Variants in GALNT18 observed in about 807,000 individuals in gnomAD.
GALNT18 encodes GalNAc-transferase 18.
Under a neutral mutation model 69.5 loss-of-function variants are expected in GALNT18, and 44 were observed. The observed-to-expected ratio is 0.63, with a 90% confidence interval of 0.50 to 0.81. The LOEUF is 0.81. Ranked by LOEUF, GALNT18 falls within the 40% of genes least tolerant of loss-of-function variation. The pLI is 0.00. For synonymous variants in GALNT18, 364 were observed against 318.2 expected, an observed-to-expected ratio of 1.14 and a Z score of -1.53; for missense variants, 715 against 810.0, an observed-to-expected ratio of 0.88 and a Z score of 1.42.
rs530528366 is a variant in GALNT18, at chr11:11,432,505, C to T, written c.595+116G>A. 9 of 1,052,110 alleles carry T rather than the reference C, an allele frequency of 8.6e-6. No homozygotes were observed. The African/African-American group carries it at 1.4e-4, about 17-fold the overall frequency. The allele number at this position is 1,052,110 out of a possible 1,614,324, so 65.2% of individuals were successfully genotyped here. ...CCACCATGAATTTCTCATCTATGCTCCAGAGAAAGAGCAGCCACAGACAGC... is the reference window on the plus strand; with the variant it reads ...CCACCATGAATTTCTCATCTATGCTTCAGAGAAAGAGCAGCCACAGACAGC... On this transcript the variant is annotated intron_variant, in intron 3 of 10. Coordinates refer to ENST00000227756, the MANE Select transcript of GALNT18 (RefSeq NM_198516.3). The surrounding 1 kb of genome is among the most constrained non-coding windows in gnomAD (Gnocchi z 5.8).
At chr11:11,519,078 A>G (rs1857340724) in intron 1 of GALNT18, among the ~76,000 whole-genome samples, 1 of 152,214 alleles carries the variant, frequency 6.6e-6, no homozygotes, top group African/African-American at 2.4e-5. Context: ...ACTAGGTGCA[A>G]TCGATAGACT....
chr11:11,493,014 G>A (rs971287594), intron 1 of GALNT18, among the ~76,000 whole-genome samples: 1 of 152,116 alleles, frequency 6.6e-6, no homozygotes, highest in Non-Finnish European at 1.5e-5. Flanking sequence ...TGTAATCCCA[G>A]CACTTTGGGA....
chr11:11,535,622 G>A (rs1028951708), intron 1 of GALNT18, among the ~76,000 whole-genome samples: 1 of 152,172 alleles, frequency 6.6e-6, no homozygotes, highest in African/African-American at 2.4e-5. Flanking sequence ...CCAGCCCACA[G>A]GCTGGGCTCA....
chr11:11,446,771 A>G (rs1341034495), intron 2 of GALNT18, among the ~76,000 whole-genome samples: 2 of 152,186 alleles, frequency 1.3e-5, no homozygotes, highest in Admixed American at 6.5e-5. Context: ...GCAAGTGACA[A>G]TTAGCATATT....
chr11:11,379,181 T>G lies in GALNT18; in HGVS notation c.679A>C (p.Lys227Gln). Residue 227 changes from lysine to glutamine, a missense_variant, in exon 4 of 11, where the codon AAG becomes CAG. Coordinates refer to ENST00000227756, the MANE Select transcript of GALNT18 (RefSeq NM_198516.3). ...CTGGAGCGGATGAGGCCTTCCTGCT[T>G]GCTGTGACGCACGACTTTGATGAAG... ...PGFIKVVRHS[K>Q]QEGLIRSRVS... The G allele has an allele frequency of 1.9e-6, 3 of 1,612,666 alleles. No homozygotes were observed. Among genetic ancestry groups the G allele is most frequent in the Non-Finnish European group, 2.5e-6 (3 of 1,180,004 alleles).
At position 11,439,540 on chromosome 11, in the gene GALNT18, G is replaced by A. The variant is rs548548021; in HGVS notation, c.429-6753C>T. Among the ~76,000 whole-genome samples the A allele has an allele frequency of 2.0e-5, 3 of 152,280 alleles. No homozygotes were observed. In the South Asian group the frequency reaches 6.2e-4, roughly 32 times the overall value. ...TGCTTTTCTTTCATGCCATGTACAT[G>A]CTATTGCAACATGTTTTTATATGTG... On this transcript the variant is annotated intron_variant, in intron 2 of 10. Coordinates refer to ENST00000227756, the MANE Select transcript of GALNT18 (RefSeq NM_198516.3). The surrounding 1 kb of genome is among the most constrained non-coding windows in gnomAD (Gnocchi z 4.4).
chr11:11,621,486 G>A lies in GALNT18; in HGVS notation c.108C>T (p.Ile36=). Residue 36 remains isoleucine (I), a synonymous_variant, in exon 1 of 11, where the codon ATC becomes ATT. Transcript: ENST00000227756. The surrounding 1 kb of genome is among the most constrained non-coding windows in gnomAD (Gnocchi z 9.3). The part of the protein sequence containing the change: ...LLYVGWVTNY[I]ASVYVRGQEP... ...CCTGCCCCCGCACATACACGCTGGC[G>A]ATGTAGTTGGTGACCCAGCCCACGT... 6.2e-7 allele frequency: 1 copy of A among 1,614,128 alleles called. No individual in the cohort carries two copies. The highest frequency in any genetic ancestry group is 8.5e-7 in the Non-Finnish European group (1 of 1,180,018).
At chr11:11,570,941 G>A (rs898691063) in intron 1 of GALNT18, among the ~76,000 whole-genome samples, 1 of 152,164 alleles carries the variant, frequency 6.6e-6, no homozygotes, top group Non-Finnish European at 1.5e-5. Flanking sequence ...AAGACATGAG[G>A]TATTAGTAAC....
chr11:11,416,153 G>A lies in GALNT18; in HGVS notation c.595+16468C>T, dbSNP rs181672794. Among the ~76,000 whole-genome samples the A allele has an allele frequency of 1.2e-3, 187 of 152,300 alleles. 3 individuals carry two copies. The highest frequency in any genetic ancestry group is 3.8e-4 in the Non-Finnish European group (26 of 68,036). ...GGCCTGTGAATTAGCCAGAGGCCTC[G>A]TCCAATGCAGACACATTCCTTTCTT... On this transcript the variant is annotated intron_variant, in intron 3 of 10. Transcript: ENST00000227756.
In GALNT18 at chr11:11,351,622, G is replaced by A. The variant is rs538038727; in HGVS notation, c.1093-10618C>T. On this transcript the variant is annotated intron_variant, in intron 6 of 10. Transcript: ENST00000227756. ...AGAAGTATTAGCAAGTTCCAAATCA[G>A]GGTCCCATTGACACCTGCGCTATCT... Among the ~76,000 whole-genome samples, 8 of 152,246 alleles carry A rather than the reference G, an allele frequency of 5.3e-5. No individual in the cohort carries two copies. In the East Asian group the frequency reaches 1.5e-3, roughly 29 times the overall value.
intron 1 of GALNT18, among the ~76,000 whole-genome samples, chr11:11,495,550 T>C (rs552100451): frequency 6.6e-6 from 1 of 152,246 alleles, no homozygotes; most frequent in East Asian, 1.9e-4. Flanking sequence ...CAAAGAGCCA[T>C]AAGTGGAATC....
chr11:11,321,423 T>A (rs1849837139), intron 9 of GALNT18, among the ~76,000 whole-genome samples: 1 of 152,206 alleles, frequency 6.6e-6, no homozygotes, highest in Non-Finnish European at 1.5e-5. Flanking sequence ...AAATTCTACC[T>A]CAATAAAATA....
chr11:11,481,300 A>AGTG (rs1856524352), intron 1 of GALNT18, among the ~76,000 whole-genome samples: 2 of 152,070 alleles, frequency 1.3e-5, no homozygotes, highest in African/African-American at 4.8e-5. Flanking sequence ...CTCGCTGAGC[A>AGTG]TGAATCCCTC....
chr11:11,588,691 G>A (rs1220881547), intron 1 of GALNT18, among the ~76,000 whole-genome samples: 2 of 152,204 alleles, frequency 1.3e-5, no homozygotes, highest in Non-Finnish European at 2.9e-5. Flanking sequence ...TCTATCCATA[G>A]AGGAGTACTG....
At chr11:11,376,164 C>T (rs1377473523) in intron 5 of GALNT18, among the ~76,000 whole-genome samples, 1 of 152,020 alleles carries the variant, frequency 6.6e-6, no homozygotes, top group Non-Finnish European at 1.5e-5. Context: ...GGGTAGATCA[C>T]GAGGTCAGGA....
At chr11:11,427,506 G>A (rs1383729399) in intron 3 of GALNT18, among the ~76,000 whole-genome samples, 1 of 152,174 alleles carries the variant, frequency 6.6e-6, no homozygotes, top group Non-Finnish European at 1.5e-5. Flanking sequence ...GCTCGGCTGA[G>A]TAATTTAGAG....
intron 7 of GALNT18, among the ~76,000 whole-genome samples, chr11:11,334,713 G>A (rs1034443151): frequency 1.3e-5 from 2 of 152,122 alleles, no homozygotes; most frequent in Non-Finnish European, 2.9e-5. Context: ...GACCTCATCC[G>A]TGACTTGTCT....
chr11:11,407,814 G>A (rs976884981), intron 3 of GALNT18, among the ~76,000 whole-genome samples: 3 of 152,228 alleles, frequency 2.0e-5, no homozygotes, highest in African/African-American at 4.8e-5. Context: ...ATTACGAGCA[G>A]CAGGAGTAAA....
rs1859246077 is a variant in GALNT18 at position 11,587,082 on chromosome 11, C to T, written c.235+34277G>A. ...GTTACTTGAGAGATGCTTCCAGCAC[C>T]CATTATCCTGACCCCTCCCCCAGTA... On this transcript the variant is annotated intron_variant, in intron 1 of 10. Coordinates refer to ENST00000227756, the MANE Select transcript of GALNT18 (RefSeq NM_198516.3). This position sits in a 1 kb window ranked among gnomAD's most constrained non-coding sequence, Gnocchi z 4.4. Among the ~76,000 whole-genome samples the T allele has an allele frequency of 6.6e-6, 1 of 152,152 alleles. No homozygotes were observed. Among genetic ancestry groups the T allele is most frequent in the Admixed American group, 6.5e-5 (1 of 15,268 alleles).
Sources: gnomAD v4.1 joint callset for allele counts (sites outside exome capture counted in the v4.1 genomes callset) on GRCh38, gnomAD v4.1.1 for gene constraint, Gnocchi (gnomAD v3.1) non-coding constraint, MANE v1.5 for transcripts, NCBI Gene and HGNC (gene_info 2026-07-23, HGNC 2026-07-21) for gene names.